TNS3: variants seen among roughly 807,000 people sequenced by gnomAD.
The protein encoded by TNS3 is tensin 3, also known as tensin-3.
Under a neutral mutation model 140.9 loss-of-function variants are expected in TNS3, and 45 were observed. The observed-to-expected ratio is 0.32, with a 90% CI of 0.25 to 0.41. The LOEUF is 0.41. Ranked by LOEUF, TNS3 falls within the 10% of genes least tolerant of loss-of-function variation. The probability of loss-of-function intolerance (pLI) is 1.00; values close to 1 mark genes in which losing one functional copy is unlikely to be tolerated. For synonymous variants in TNS3, 815 were observed against 788.4 expected (o/e 1.03, Z -0.56); for missense variants, 1,716 against 1,906.7 (o/e 0.90, Z 1.86).
intron 4 of TNS3, among the ~76,000 whole-genome samples, chr7:47,442,256 G>A (rs546249753): frequency 6.6e-6 from 1 of 152,184 alleles, no homozygotes; most frequent in African/African-American, 2.4e-5. Context: ...AGGACGCAGT[G>A]CCACTAACCA....
Position 47,424,209 on chromosome 7 carries a change from G to C in TNS3, c.390-25C>G, listed in dbSNP as rs143468836. 5.7e-4 allele frequency: 912 copies of C among 1,612,834 alleles called. 4 individuals are homozygous for C. The African/African-American group carries it at 0.011, about 19-fold the overall frequency. ...GCTGAAGGGGAGAGAGAGAGAAAGAGAGTTAACTCAGTGGAGCCCACACCA... is the reference window on the plus strand; with the variant it reads ...GCTGAAGGGGAGAGAGAGAGAAAGACAGTTAACTCAGTGGAGCCCACACCA... On this transcript the variant is annotated intron_variant, in intron 9 of 30. Transcript: ENST00000311160.
intron 16 of TNS3, among the ~76,000 whole-genome samples, chr7:47,390,579 G>A (rs1409189211): frequency 1.3e-5 from 2 of 152,228 alleles, no homozygotes; most frequent in Non-Finnish European, 2.9e-5. Context: ...TAAAGTGGCA[G>A]AGCCCAGGCC....
chr7:47,499,694 C>A (rs1393784779), intron 3 of TNS3, among the ~76,000 whole-genome samples: 1 of 152,182 alleles, frequency 6.6e-6, no homozygotes, highest in East Asian at 1.9e-4. Context: ...AAAAGGTCAG[C>A]GGCTGCCGGG....
intron 4 of TNS3, among the ~76,000 whole-genome samples, chr7:47,471,580 G>T (rs187425267): frequency 6.6e-6 from 1 of 152,190 alleles, no homozygotes; most frequent in Non-Finnish European, 1.5e-5. Context: ...TCACAATCCC[G>T]CCCAGTTCGA....
At chr7:47,473,005 G>A (rs1034686450) in intron 4 of TNS3, among the ~76,000 whole-genome samples, 6 of 152,088 alleles carry the variant, frequency 3.9e-5, no homozygotes, top group South Asian at 2.1e-4. Context: ...GCGACCTCAC[G>A]CGCATCCAGC....
intron 2 of TNS3, among the ~76,000 whole-genome samples, chr7:47,514,830 G>A (rs1475605469): frequency 3.9e-5 from 6 of 152,226 alleles, no homozygotes; most frequent in Admixed American, 2.0e-4. Flanking sequence ...TTTTGGGGCC[G>A]AATCTACTCA....
At chr7:47,547,756 G>A (rs899707663) in intron 1 of TNS3, among the ~76,000 whole-genome samples, 10 of 152,158 alleles carry the variant, frequency 6.6e-5, no homozygotes, top group African/African-American at 9.7e-5. Context: ...GCAGCAACAC[G>A]CACAGGAGCT....
intron 1 of TNS3, among the ~76,000 whole-genome samples, chr7:47,574,564 G>A (rs1800628881): frequency 6.6e-6 from 1 of 151,888 alleles, no homozygotes; most frequent in African/African-American, 2.4e-5. Flanking sequence ...AACAGCCGAA[G>A]GGTAGAAGTA....
At chr7:47,417,302 C>G (rs1245569965) in intron 10 of TNS3, among the ~76,000 whole-genome samples, 1 of 152,266 alleles carries the variant, frequency 6.6e-6, no homozygotes, top group Non-Finnish European at 1.5e-5. Context: ...AGCTTCATTT[C>G]TGCTGATGTG....
chr7:47,476,507 G>A (rs539196831), intron 4 of TNS3, among the ~76,000 whole-genome samples: 11 of 152,322 alleles, frequency 7.2e-5, no homozygotes, highest in Middle Eastern at 3.4e-3. Flanking sequence ...ACAGCCCATA[G>A]AACGGTAATG....
At chr7:47,336,340 A>T (rs903010653) in intron 20 of TNS3, among the ~76,000 whole-genome samples, 1 of 152,198 alleles carries the variant, frequency 6.6e-6, no homozygotes, top group South Asian at 2.1e-4. Context: ...ATGTGCTGTC[A>T]GCTGGCTCAC....
chr7:47,580,982 G>A (rs1385962504), intron 1 of TNS3, among the ~76,000 whole-genome samples: 1 of 152,186 alleles, frequency 6.6e-6, no homozygotes, highest in East Asian at 1.9e-4. Flanking sequence ...CCCCAAGGAA[G>A]CCTGGGGGCT....
intron 12 of TNS3, 136 bp from the exon 13 acceptor site, chr7:47,411,938 C>T: frequency 1.2e-6 from 1 of 803,886 alleles, no homozygotes; most frequent in South Asian, 1.8e-5. Flanking sequence ...AATCTAATTC[C>T]TGAGAATCTA....
intron 2 of TNS3, among the ~76,000 whole-genome samples, chr7:47,521,885 G>A (rs377100468): frequency 3.9e-5 from 6 of 152,086 alleles, no homozygotes; most frequent in East Asian, 1.9e-4. Context: ...GGAGAGGAGC[G>A]GAGAGGCAAA....
intron 4 of TNS3, among the ~76,000 whole-genome samples, chr7:47,463,007 G>C (rs1032367941): frequency 2.0e-5 from 3 of 152,168 alleles, no homozygotes; most frequent in African/African-American, 7.2e-5. Context: ...ATCAATTACA[G>C]TTGATTTTCG....
chr7:47,359,335 A>G (rs937793753), intron 17 of TNS3, among the ~76,000 whole-genome samples: 1 of 152,240 alleles, frequency 6.6e-6, no homozygotes, highest in Non-Finnish European at 1.5e-5. Context: ...AAATGTCCAC[A>G]GTAGGCACAT....
chr7:47,565,834 GT>G (rs1356981227), intron 1 of TNS3, among the ~76,000 whole-genome samples: 1 of 152,158 alleles, frequency 6.6e-6, no homozygotes, highest in African/African-American at 2.4e-5. Flanking sequence ...CACATTGGGG[GT>G]TCAGGGAGCT....
In TNS3 at chr7:47,412,884, G is replaced by A. The variant is rs536014240; in HGVS notation, c.647+1053C>T. ...GAATTAGGTATTGTTATGTAATCTA[G>A]AGATGATTTAAAGTATACAGGAGAA... On this transcript the variant is annotated intron_variant, in intron 12 of 30. Transcript: ENST00000311160. Among the ~76,000 whole-genome samples the A allele has an allele frequency of 2.6e-5, 4 of 152,324 alleles. No individual in the cohort carries two copies. The East Asian group carries it at 7.7e-4, about 29-fold the overall frequency.
intron 17 of TNS3, among the ~76,000 whole-genome samples, chr7:47,358,014 G>A (rs1209436274): frequency 6.6e-6 from 1 of 152,090 alleles, no homozygotes; most frequent in African/African-American, 2.4e-5. Flanking sequence ...CTCACACACT[G>A]CCCCGCCCCA....
Sources: allele counts gnomAD v4.1 joint callset (sites outside exome capture counted in the v4.1 genomes callset), GRCh38; gene constraint gnomAD v4.1.1; transcripts MANE v1.5; gene names NCBI Gene and HGNC (gene_info 2026-07-23, HGNC 2026-07-21).